WDR7: variants seen among roughly 807,000 people sequenced by gnomAD.
The protein encoded by WDR7 is WD repeat-containing protein 7.
In WDR7, 46 loss-of-function variants were observed where a neutral mutation model predicts 169.4. That is an observed-to-expected ratio of 0.27 (90% CI 0.21 to 0.35). The LOEUF (loss-of-function observed/expected upper bound fraction) is 0.35. Ranked by LOEUF, WDR7 falls within the 10% of genes least tolerant of loss-of-function variation. The probability of loss-of-function intolerance (pLI) is 1.00; values close to 1 mark genes in which losing one functional copy is unlikely to be tolerated. For missense variants in WDR7, 1,534 were observed against 1,859.3 expected (o/e 0.83, Z 3.22); for synonymous variants, 612 against 666.8 (o/e 0.92, Z 1.27).
chr18:56,825,954 G>A (rs1177954513), intron 20 of WDR7, among the ~76,000 whole-genome samples: 1 of 147,376 alleles, frequency 6.8e-6, no homozygotes, highest in Non-Finnish European at 1.5e-5. Flanking sequence ...TAAGTTTTGA[G>A]TTTCGCATTA....
chr18:56,815,717 A>G (rs2044955320), intron 19 of WDR7, among the ~76,000 whole-genome samples: 1 of 152,256 alleles, frequency 6.6e-6, no homozygotes, highest in South Asian at 2.1e-4. Flanking sequence ...TGTCAAAATC[A>G]GCCAAAGTAA....
chr18:56,925,296 T>C (rs140548821), intron 22 of WDR7, among the ~76,000 whole-genome samples: 1 of 152,338 alleles, frequency 6.6e-6, no homozygotes, highest in African/African-American at 2.4e-5. Flanking sequence ...AGGAGTAGAA[T>C]TTCTGGGTCA....
intron 27 of WDR7, among the ~76,000 whole-genome samples, chr18:57,022,107 C>T (rs537525898): frequency 7.4e-4 from 112 of 152,334 alleles, no homozygotes; most frequent in African/African-American, 1.7e-3. Context: ...CTCATTTTCC[C>T]AGTGAGTATC....
chr18:56,772,561 C>T (rs2044181265), intron 16 of WDR7, among the ~76,000 whole-genome samples: 1 of 151,978 alleles, frequency 6.6e-6, no homozygotes, highest in African/African-American at 2.4e-5. Flanking sequence ...CTGAAAAAAT[C>T]CCCAGCAAGG....
rs143478866 is a variant in WDR7 at position 56,835,220 on chromosome 18, G to A, written c.3304+19076G>A. The stretch of plus-strand genomic sequence containing the variant: ...AGACATCTTTAGAATATCAAAAAAT[G>A]TGCCTCCCTTGTCTTAAGAACTAGT... On this transcript the variant is annotated intron_variant, in intron 20 of 27. Transcript: ENST00000254442. Among the ~76,000 whole-genome samples, 1,244 of 152,250 alleles carry A rather than the reference G, an allele frequency of 8.2e-3. 21 individuals are homozygous for A. The highest frequency in any genetic ancestry group is 0.026 in the African/African-American group (1,092 of 41,548).
chr18:56,872,230 G>A (rs1489668762), intron 20 of WDR7, among the ~76,000 whole-genome samples: 1 of 151,988 alleles, frequency 6.6e-6, no homozygotes, highest in Non-Finnish European at 1.5e-5. Flanking sequence ...TGTAAGCCAG[G>A]ATAAAATTAA....
At chr18:56,856,261 C>CAGTG (rs2045720388) in intron 20 of WDR7, among the ~76,000 whole-genome samples, 2 of 152,186 alleles carry the variant, frequency 1.3e-5, no homozygotes. Context: ...TGGCTAGGCA[C>CAGTG]AGTGGCTCAC....
intron 1 of WDR7, among the ~76,000 whole-genome samples, chr18:56,654,838 CTTT>C (rs1568119674): frequency 1.3e-5 from 2 of 152,128 alleles, no homozygotes; most frequent in South Asian, 4.1e-4. Flanking sequence ...CAGAGTTTAA[CTTT>C]TTATGTGTCA....
intron 5 of WDR7, among the ~76,000 whole-genome samples, chr18:56,685,091 A>G (rs1001944600): frequency 1.1e-4 from 16 of 152,192 alleles, no homozygotes; most frequent in Non-Finnish European, 1.9e-4. Flanking sequence ...ATTAATTTCA[A>G]TGCCTTACAG....
intron 14 of WDR7, among the ~76,000 whole-genome samples, chr18:56,744,316 T>A (rs2043670594): frequency 6.9e-6 from 1 of 144,652 alleles, no homozygotes; most frequent in African/African-American, 2.6e-5. Context: ...TTTCTGTGGA[T>A]AGTGGATGGG....
chr18:56,864,144 A>T (rs759784826), intron 20 of WDR7, among the ~76,000 whole-genome samples: 14 of 151,814 alleles, frequency 9.2e-5, no homozygotes, highest in Non-Finnish European at 1.8e-4. Context: ...AAGAAAAAGC[A>T]TCAAATGGAC....
At chr18:56,942,864 A>G (rs2047052174) in intron 25 of WDR7, among the ~76,000 whole-genome samples, 1 of 152,244 alleles carries the variant, frequency 6.6e-6, no homozygotes, top group South Asian at 2.1e-4. Flanking sequence ...CATCAGATTT[A>G]TAACAAAGTT....
chr18:56,682,298 C>T (rs1457227959), intron 4 of WDR7, among the ~76,000 whole-genome samples: 1 of 151,752 alleles, frequency 6.6e-6, no homozygotes, highest in African/African-American at 2.4e-5. Context: ...TTTTTGTGAC[C>T]CACCTGAGCT....
chr18:56,976,939 A>G (rs572333120), intron 26 of WDR7, among the ~76,000 whole-genome samples: 1 of 152,318 alleles, frequency 6.6e-6, no homozygotes, highest in Admixed American at 6.5e-5. Flanking sequence ...ACTCTGAGAC[A>G]AGTCAACAGG....
chr18:56,959,337 A>T (rs2047303512), intron 25 of WDR7, among the ~76,000 whole-genome samples: 1 of 152,184 alleles, frequency 6.6e-6, no homozygotes. Context: ...GCGGACAATG[A>T]TGAAAGCATG....
chr18:56,936,636 A>G (rs1403031022), intron 23 of WDR7, among the ~76,000 whole-genome samples: 3 of 152,158 alleles, frequency 2.0e-5, no homozygotes, highest in Non-Finnish European at 4.4e-5. Context: ...CTCTGAGTCT[A>G]TTCAGATAAA....
intron 26 of WDR7, among the ~76,000 whole-genome samples, chr18:56,998,097 C>T (rs1322372430): frequency 2.0e-5 from 3 of 152,144 alleles, no homozygotes; most frequent in Admixed American, 6.5e-5. Context: ...ATTTGGACAT[C>T]ATGGGGCTTC....
intron 19 of WDR7, among the ~76,000 whole-genome samples, chr18:56,813,389 T>C (rs1354236394): frequency 6.6e-6 from 1 of 152,014 alleles, no homozygotes; most frequent in Non-Finnish European, 1.5e-5. Flanking sequence ...CACCATTAAG[T>C]GTAATGTTAG....
chr18:57,005,184 A>G (rs2048038219), intron 26 of WDR7, among the ~76,000 whole-genome samples: 1 of 152,200 alleles, frequency 6.6e-6, no homozygotes, highest in Non-Finnish European at 1.5e-5. Context: ...CTATTATCAT[A>G]TTATAAAAAA....
Sources: allele counts gnomAD v4.1 joint callset (sites outside exome capture counted in the v4.1 genomes callset), GRCh38; gene constraint gnomAD v4.1.1; transcripts MANE v1.5; gene names NCBI Gene and HGNC (gene_info 2026-07-23, HGNC 2026-07-21).